Variants in PRP4K observed in about 807,000 individuals in gnomAD.
PRP4K encodes the protein pre-mRNA processing factor kinase PRP4K.
At chr6:4,058,827 A>C in the PRP4K span, 1 of 1,568,608 alleles carries the variant, frequency 6.4e-7, no homozygotes. Flanking sequence ...AAGTGTTTTA[A>C]ATGCAGCATG....
chr6:4,024,662 G>A, the PRP4K span, among the ~76,000 whole-genome samples: 4 of 152,160 alleles, frequency 2.6e-5, no homozygotes, highest in African/African-American at 7.2e-5. Flanking sequence ...GAGTGCAGTA[G>A]CGCAATCTTG....
At chr6:4,025,964 AATAG>A in the PRP4K span, among the ~76,000 whole-genome samples, 79 of 152,290 alleles carry the variant, frequency 5.2e-4, 3 homozygotes, top group South Asian at 0.013. Flanking sequence ...AAGAGTCTAT[AATAG>A]ATAGTGTAAA....
At chr6:4,021,355 TCCTC>T in the PRP4K span, 4 of 1,547,880 alleles carry the variant, frequency 2.6e-6, no homozygotes, top group Admixed American at 2.0e-5. Flanking sequence ...TTTTCCTTCT[TCCTC>T]CACTTCCCCT....
chr6:4,052,241 A>T, the PRP4K span: 1 of 901,210 alleles, frequency 1.1e-6, no homozygotes, highest in Admixed American at 3.5e-5. Context: ...ACTTGTGGTT[A>T]ACAGCTAGTC....
the PRP4K span, among the ~76,000 whole-genome samples, chr6:4,054,390 T>C: frequency 1.3e-5 from 2 of 152,200 alleles, no homozygotes; most frequent in Non-Finnish European, 2.9e-5. Context: ...GTCTGAATTA[T>C]TATTGTATTG....
chr6:4,048,072 A>G, the PRP4K span, among the ~76,000 whole-genome samples: 1 of 151,920 alleles, frequency 6.6e-6, no homozygotes, highest in Non-Finnish European at 1.5e-5. Flanking sequence ...TTGGAGAGTA[A>G]GGTGCAATAA....
At chr6:4,026,087 C>T in the PRP4K span, among the ~76,000 whole-genome samples, 4 of 152,168 alleles carry the variant, frequency 2.6e-5, no homozygotes, top group East Asian at 1.9e-4. Context: ...CCACAACCTC[C>T]GCCTCCTGGG....
At chr6:4,046,315 T>G in the PRP4K span, among the ~76,000 whole-genome samples, 8 of 152,260 alleles carry the variant, frequency 5.3e-5, no homozygotes, top group African/African-American at 1.9e-4. Context: ...TTTGGATGTT[T>G]AGCTAGTATC....
the PRP4K span, chr6:4,021,457 A>G: frequency 6.3e-7 from 1 of 1,584,122 alleles, no homozygotes; most frequent in South Asian, 1.2e-5. Context: ...TCGCTACGGG[A>G]GCAGCCAGAG....
the PRP4K span, chr6:4,031,410 T>TA: frequency 1.8e-6 from 1 of 552,448 alleles, no homozygotes; most frequent in Non-Finnish European, 3.1e-6. Flanking sequence ...TTCTTTGAAA[T>TA]AAAATGTCTG....
the PRP4K span, among the ~76,000 whole-genome samples, chr6:4,043,025 G>A: frequency 6.6e-6 from 1 of 152,338 alleles, no homozygotes; most frequent in East Asian, 1.9e-4. Context: ...AGAGCCAGAT[G>A]ATGAAGAAGA....
At chr6:4,064,205 A>G in the PRP4K span, 1 of 152,502 alleles carries the variant, frequency 6.6e-6, no homozygotes, top group Non-Finnish European at 1.5e-5. Flanking sequence ...AATAATAGAA[A>G]TGTTTTGCCA....
the PRP4K span, among the ~76,000 whole-genome samples, chr6:4,031,233 C>G: frequency 3.6e-4 from 55 of 152,250 alleles, no homozygotes; most frequent in Non-Finnish European, 6.3e-4. Flanking sequence ...TGTACTAAAT[C>G]AATGTTAATG....
chr6:4,023,199 A>T, the PRP4K span, among the ~76,000 whole-genome samples: 3 of 152,238 alleles, frequency 2.0e-5, no homozygotes, highest in South Asian at 6.2e-4. Flanking sequence ...TATAGTGTCT[A>T]CAACAGTTCT....
the PRP4K span, among the ~76,000 whole-genome samples, chr6:4,046,898 T>C: frequency 6.6e-6 from 1 of 152,170 alleles, no homozygotes; most frequent in South Asian, 2.1e-4. Flanking sequence ...CCTCAGGTGT[T>C]CCACCCACCT....
At chr6:4,042,058 T>G in the PRP4K span, among the ~76,000 whole-genome samples, 1 of 152,208 alleles carries the variant, frequency 6.6e-6, no homozygotes, top group Non-Finnish European at 1.5e-5. Context: ...TGCATGTGCA[T>G]TTTTGATAGG....
At chr6:4,042,081 T>C in the PRP4K span, among the ~76,000 whole-genome samples, 1 of 152,232 alleles carries the variant, frequency 6.6e-6, no homozygotes, top group Non-Finnish European at 1.5e-5. Context: ...AGTACGGGTA[T>C]AGCTTTCTTG....
chr6:4,044,233 A>G, the PRP4K span: 1 of 527,564 alleles, frequency 1.9e-6, no homozygotes, highest in South Asian at 2.7e-5. Flanking sequence ...TGAATAGTAT[A>G]CTGAACTCTC....
chr6:4,047,155 T>A, the PRP4K span: 2 of 1,580,198 alleles, frequency 1.3e-6, no homozygotes, highest in South Asian at 2.2e-5. Flanking sequence ...TTTCAAACAT[T>A]AATGCTAATT....
Sources: gnomAD v4.1 joint callset for allele counts (sites outside exome capture counted in the v4.1 genomes callset) on GRCh38, gnomAD v4.1.1 for gene constraint, MANE v1.5 for transcripts, NCBI Gene and HGNC (gene_info 2026-07-23, HGNC 2026-07-21) for gene names.